Variants in HOMEZ observed in about 807,000 individuals in gnomAD.
The protein encoded by HOMEZ is homeobox and leucine zipper encoding.
Under a neutral mutation model 50.1 loss-of-function variants are expected in HOMEZ, and 20 were observed. The ratio of observed to expected loss-of-function variants is 0.40; its 90% CI spans 0.28 to 0.58. The LOEUF (loss-of-function observed/expected upper bound fraction) is 0.58. Ranked by LOEUF, HOMEZ falls within the 20% of genes least tolerant of loss-of-function variation. The probability of loss-of-function intolerance (pLI) is 0.46; values close to 1 mark genes in which losing one functional copy is unlikely to be tolerated. For missense variants in HOMEZ, 579 were observed against 680.5 expected, an observed-to-expected ratio of 0.85 and a Z score of 1.66; for synonymous variants, 239 against 254.7, an observed-to-expected ratio of 0.94 and a Z score of 0.59.
In HOMEZ at chr14:23,275,977, C is replaced by T; in HGVS notation, c.1251G>A (p.Lys417=). 3 of 1,613,194 alleles carry T rather than the reference C, an allele frequency of 1.9e-6. No individual in the cohort carries two copies. The highest frequency in any genetic ancestry group is 2.5e-6 in the Non-Finnish European group (3 of 1,179,540). The change falls in exon 2 of 2, where the codon AAG becomes AAA. Residue 417 remains lysine, a synonymous_variant. Transcript: ENST00000357460. ...TRYALKHGQL[K]WFRDNAVPGA... Reference sequence around the variant, plus strand: ...CAGGTACTGCGTTGTCCCGAAACCACTTTAGTTGCCCATGCTTCAAGGCAT... The same window carrying T: ...CAGGTACTGCGTTGTCCCGAAACCATTTTAGTTGCCCATGCTTCAAGGCAT...
Position 23,277,046 on chromosome 14 carries a change from G to C in HOMEZ, c.182C>G (p.Thr61Ser). 1 of 1,614,034 alleles carries C rather than the reference G, an allele frequency of 6.2e-7. No individual in the cohort carries two copies. Among genetic ancestry groups the C allele is most frequent in the East Asian group, 2.2e-5 (1 of 44,884 alleles). Residue 61 changes from threonine to serine, a missense_variant, in exon 2 of 2, where the codon ACC (threonine) becomes AGC (serine). Transcript: ENST00000357460. The stretch of plus-strand genomic sequence containing the variant: ...GTGTTCATTGCTGTCTAGCTCACTG[G>C]TCTGGGCTGCTTGCGTCCACACAAG... ...LQLVWTQAAQ[T>S]SELDSNEHLL...
At chr14:23,280,731 T>TTTTTA (rs1886511959) in intron 1 of HOMEZ, among the ~76,000 whole-genome samples, 2 of 71,588 alleles carry the variant, frequency 2.8e-5, no homozygotes, top group African/African-American at 6.0e-5. Context: ...TTTTATTTTA[T>TTTTTA]TTTATTTTAT....
At chr14:23,281,348 G>C (rs1026327681) in intron 1 of HOMEZ, among the ~76,000 whole-genome samples, 7 of 152,118 alleles carry the variant, frequency 4.6e-5, no homozygotes, top group Admixed American at 3.9e-4. Context: ...AGGCAGCATG[G>C]CATGACGGGT....
intron 1 of HOMEZ, among the ~76,000 whole-genome samples, chr14:23,277,743 CAAAAAA>C (rs56248624): frequency 7.6e-6 from 1 of 132,372 alleles, no homozygotes; most frequent in South Asian, 2.4e-4. Flanking sequence ...GAGACCCTAT[CAAAAAA>C]AAAAAAAATC....
In HOMEZ at chr14:23,275,452, A is replaced by C. The variant is rs545734946; in HGVS notation, c.*123T>G. ...CTATATCCCCCTGCCACCCACCCTG[A>C]AGAACACAAAGCTTTTTAGTTCTCT... is the stretch of plus-strand genomic sequence containing the variant. On this transcript the variant is annotated 3_prime_UTR_variant, in exon 2 of 2. Transcript: ENST00000357460. The C allele has an allele frequency of 1.5e-6, 2 of 1,313,178 alleles. No individual in the cohort carries two copies. The highest frequency in any genetic ancestry group is 3.0e-5 in the African/African-American group (2 of 66,958). The allele number at this position is 1,313,178 out of a possible 1,614,324, so 81.3% of individuals were successfully genotyped here.
chr14:23,276,665 G>A lies in HOMEZ; in HGVS notation c.563C>T (p.Pro188Leu). The A allele has an allele frequency of 6.2e-7, 1 of 1,614,014 alleles. No homozygotes were observed. Among genetic ancestry groups the A allele is most frequent in the Non-Finnish European group, 8.5e-7 (1 of 1,179,894 alleles). ...TKGLKVEPEE[P>L]SQMPPLPQSH... Reference sequence around the variant, plus strand: ...CTGTGGCAGTGGTGGCATCTGAGAGGGCTCCTCAGGCTCTACCTTCAATCC... The same window carrying A: ...CTGTGGCAGTGGTGGCATCTGAGAGAGCTCCTCAGGCTCTACCTTCAATCC... Residue 188 changes from proline to leucine, a missense_variant, in exon 2 of 2, where the codon CCC becomes CTC. Transcript: ENST00000357460. The surrounding 1 kb of genome is among the most constrained non-coding windows in gnomAD (Gnocchi z 4.1).
At position 23,272,422 on chromosome 14, in the gene HOMEZ, A is replaced by C. The variant is rs1319223248; in HGVS notation, c.*3153T>G. ...TGACAGAGCGAGACTCCATCTCAAA[A>C]AAACAACAAACAAACAAACAAACAA... On this transcript the variant is annotated 3_prime_UTR_variant, in exon 2 of 2. Transcript: ENST00000357460. 3.9e-6 allele frequency: 1 copy of C among 253,914 alleles called. No homozygotes were observed. Among genetic ancestry groups the C allele is most frequent in the Admixed American group, 5.2e-5 (1 of 19,106 alleles). 15.7% of individuals were successfully genotyped at this position (253,914 alleles called of 1,614,324 possible).
rs754702415 is a variant in HOMEZ, at chr14:23,274,305, T to A, written c.*1270A>T. The A allele has an allele frequency of 6.6e-6, 1 of 152,544 alleles. No individual in the cohort carries two copies. Among genetic ancestry groups the A allele is most frequent in the Non-Finnish European group, 1.5e-5 (1 of 68,040 alleles). The allele number at this position is 152,544 out of a possible 1,614,324, so 9.4% of individuals were successfully genotyped here. A position where few individuals can be genotyped will look rare whatever the true frequency, so the allele number is the denominator to read the frequency against. ...TGACAGCAAAAAGATGAAAAATTAG[T>A]CTCTGTCAAGCTGGACAGGAGGTAG... On this transcript the variant is annotated 3_prime_UTR_variant, in exon 2 of 2. Coordinates refer to ENST00000357460, the MANE Select transcript of HOMEZ (RefSeq NM_020834.3).
At chr14:23,284,287 G>GA (rs1886615709) in intron 1 of HOMEZ, among the ~76,000 whole-genome samples, 2 of 152,218 alleles carry the variant, frequency 1.3e-5, no homozygotes, top group Admixed American at 1.3e-4. Context: ...GTAAAGAGTT[G>GA]ATGGAATACT....
Position 23,272,877 on chromosome 14 carries a change from A to C in HOMEZ, c.*2698T>G. The C allele has an allele frequency of 1.3e-6, 2 of 1,542,394 alleles. No homozygotes were observed. Among genetic ancestry groups the C allele is most frequent in the Non-Finnish European group, 1.8e-6 (2 of 1,140,628 alleles). On this transcript the variant is annotated 3_prime_UTR_variant, in exon 2 of 2. Transcript: ENST00000357460. ...ATTACCCAGTGGGAGAGAAGCATGGACCACTTCTAGATAGATCATCTTCAA... is the reference window on the plus strand; with the variant it reads ...ATTACCCAGTGGGAGAGAAGCATGGCCCACTTCTAGATAGATCATCTTCAA...
chr14:23,283,289 T>TC (rs1366024118), intron 1 of HOMEZ, among the ~76,000 whole-genome samples: 1 of 152,160 alleles, frequency 6.6e-6, no homozygotes, highest in Admixed American at 6.5e-5. Flanking sequence ...ATGCCCGTAT[T>TC]CCCAGCACTT....
At chr14:23,279,955 A>C (rs985799249) in intron 1 of HOMEZ, among the ~76,000 whole-genome samples, 3 of 152,128 alleles carry the variant, frequency 2.0e-5, no homozygotes, top group Admixed American at 1.3e-4. Context: ...GCTTGTTACT[A>C]ACTCTTTGGC....
chr14:23,285,998 A>T lies in HOMEZ; in HGVS notation c.-46T>A, dbSNP rs761676630. 6.5e-6 allele frequency: 8 copies of T among 1,234,474 alleles called. No homozygotes were observed. The highest frequency in any genetic ancestry group is 3.0e-4 in the Middle Eastern group (1 of 3,354). The allele number at this position is 1,234,474 out of a possible 1,614,324, so 76.5% of individuals were successfully genotyped here. On this transcript the variant is annotated 5_prime_UTR_variant, in exon 1 of 2. Coordinates refer to ENST00000357460, the MANE Select transcript of HOMEZ (RefSeq NM_020834.3). ...AGAGGGCAGGGGGCCTCCGAGTGGGAGTGGGGTTGCTGCCCGGTGCGGCCG... is the reference window on the plus strand; with the variant it reads ...AGAGGGCAGGGGGCCTCCGAGTGGGTGTGGGGTTGCTGCCCGGTGCGGCCG...
In HOMEZ at chr14:23,275,608, AT is replaced by A. The variant is rs1383124029; in HGVS notation, c.1619del (p.Asp540ValfsTer7). ...GTATGATCACATCATCATCATCATC[AT>A]CATCATCTTCCTCCTCCTCCTCCTC... The part of the protein sequence containing the change: ...EEEEEEEEDD[D>X]DDDDDVIIQD On this transcript the variant is annotated frameshift_variant, in exon 2 of 2. Coordinates refer to ENST00000357460, the MANE Select transcript of HOMEZ (RefSeq NM_020834.3). LOFTEE classifies it high-confidence loss of function. The A allele has an allele frequency of 1.4e-5, 21 of 1,536,512 alleles. No individual in the cohort carries two copies. The highest frequency in any genetic ancestry group is 1.8e-5 in the Non-Finnish European group (21 of 1,140,314).
At chr14:23,285,839 G>C in intron 1 of HOMEZ, 74 bp downstream of exon 1, 4 of 846,236 alleles carry the variant, frequency 4.7e-6, no homozygotes, top group Non-Finnish European at 6.4e-6. Context: ...CCACCAGCGC[G>C]GGGATGGGGC....
rs1886278827 is a variant in HOMEZ at position 23,274,026 on chromosome 14, G to A, written c.*1549C>T. On this transcript the variant is annotated 3_prime_UTR_variant, in exon 2 of 2. Coordinates refer to ENST00000357460, the MANE Select transcript of HOMEZ (RefSeq NM_020834.3). ...TGGTTCCATTAATCCCTAAACCATAGGAGTGGCAAAGTGGTTGAGAGAGAA... is the reference window on the plus strand; with the variant it reads ...TGGTTCCATTAATCCCTAAACCATAAGAGTGGCAAAGTGGTTGAGAGAGAA... The A allele has an allele frequency of 1.3e-5, 2 of 152,612 alleles. No homozygotes were observed. The highest frequency in any genetic ancestry group is 2.4e-5 in the African/African-American group (1 of 41,436). The allele number at this position is 152,612 out of a possible 1,614,324, so 9.5% of individuals were successfully genotyped here.
At position 23,275,641 on chromosome 14, in the gene HOMEZ, C is replaced by A. The variant is rs371766865; in HGVS notation, c.1587G>T (p.Glu529Asp). 7 of 1,552,138 alleles carry A rather than the reference C, an allele frequency of 4.5e-6. No individual in the cohort carries two copies. The highest frequency in any genetic ancestry group is 4.1e-5 in the African/African-American group (3 of 73,158). Residue 529 changes from glutamate to aspartate, a missense_variant, in exon 2 of 2, where the codon GAG (glutamate) becomes GAT (aspartate). Physicochemically the swap from Glu to Asp is conservative, Grantham distance 45 (BLOSUM62 2). Transcript: ENST00000357460. ...EEEEELPEDD[E>D]EEEEEEEEDD... ...CTTCCTCCTCCTCCTCCTCCTCTTC[C>A]TCATCATCTTCTGGCAGTTCTTCCT...
In HOMEZ at chr14:23,272,695, A is replaced by G; in HGVS notation, c.*2880T>C. 1 of 688,186 alleles carries G rather than the reference A, an allele frequency of 1.5e-6. No individual in the cohort carries two copies. The allele number at this position is 688,186 out of a possible 1,614,324, so 42.6% of individuals were successfully genotyped here. ...GGAAAAGTTAGTTATCATGCAATGAAGAAAACTATGGGGAAGCAAAAGCAG... is the reference window on the plus strand; with the variant it reads ...GGAAAAGTTAGTTATCATGCAATGAGGAAAACTATGGGGAAGCAAAAGCAG... On this transcript the variant is annotated 3_prime_UTR_variant, in exon 2 of 2. Transcript: ENST00000357460.
rs895814924 is a variant in HOMEZ, at chr14:23,285,885, G to C, written c.40+28C>G. On this transcript the variant is annotated intron_variant, in intron 1 of 1. Coordinates refer to ENST00000357460, the MANE Select transcript of HOMEZ (RefSeq NM_020834.3). ...GGAGACCGTACACGAGCTGGGAGGG[G>C]AAGTCCAAGGGGCTGGGGATCACTC... 6.5e-6 allele frequency: 8 copies of C among 1,221,664 alleles called. No individual in the cohort carries two copies. In the Admixed American group the frequency reaches 2.5e-4, roughly 39 times the overall value. The allele number at this position is 1,221,664 out of a possible 1,614,324, so 75.7% of individuals were successfully genotyped here. A position where few individuals can be genotyped will look rare whatever the true frequency, so the allele number is the denominator to read the frequency against.
Sources: allele counts gnomAD v4.1 joint callset (sites outside exome capture counted in the v4.1 genomes callset), GRCh38; gene constraint gnomAD v4.1.1; non-coding constraint Gnocchi (gnomAD v3.1); transcripts MANE v1.5; gene names NCBI Gene and HGNC (gene_info 2026-07-23, HGNC 2026-07-21).